The following WTAP variants were observed in gnomAD, a reference collection of about 807,000 sequenced individuals.
WTAP encodes the protein pre-mRNA-splicing regulator WTAP.
Under a neutral mutation model 50.0 loss-of-function variants are expected in WTAP, and 8 were observed. That is an observed-to-expected ratio of 0.16 (90% CI 0.09 to 0.29). WTAP has a LOEUF of 0.29. Among genes scored for constraint, WTAP ranks in the 10% least tolerant of loss-of-function variants. The probability of loss-of-function intolerance (pLI) is 1.00; values close to 1 mark genes in which losing one functional copy is unlikely to be tolerated. For synonymous variants in WTAP, 194 were observed against 169.0 expected (o/e 1.15, Z -1.15); for missense variants, 295 against 470.7 (o/e 0.63, Z 3.45).
rs575547098 is a variant in WTAP at position 159,748,981 on chromosome 6, A to G, written c.452+612A>G. 134 of 1,044,090 alleles carry G rather than the reference A, an allele frequency of 1.3e-4. No individual in the cohort carries two copies. The highest frequency in any genetic ancestry group is 7.8e-4 in the South Asian group (17 of 21,812). The allele number at this position is 1,044,090 out of a possible 1,614,324, so 64.7% of individuals were successfully genotyped here. ...TTTATTTGCTGAGAACCAACTTTCAATAGTCATGAGAGAATCAAATAATAG... is the reference window on the plus strand; with the variant it reads ...TTTATTTGCTGAGAACCAACTTTCAGTAGTCATGAGAGAATCAAATAATAG... On this transcript the variant is annotated intron_variant, in intron 6 of 7. Transcript: ENST00000621533. This position sits in a 1 kb window ranked among gnomAD's most constrained non-coding sequence, Gnocchi z 5.6.
In WTAP at chr6:159,742,114, A is replaced by G. The variant is rs1359952998; in HGVS notation, c.113A>G (p.Gln38Arg). ...TGGAAACAATATGAAGCATATGTAC[A>G]AGCTTTGGAGGGCAAGTACACAGAT... is the stretch of plus-strand genomic sequence containing the variant. Reference protein sequence around the residue: ...LRWKQYEAYVQALEGKYTDLN... With the variant: ...LRWKQYEAYVRALEGKYTDLN... The change falls in exon 4 of 8, where the codon CAA becomes CGA. Residue 38 changes from glutamine to arginine, a missense_variant. Physicochemically the swap from Gln to Arg is conservative, Grantham distance 43. This residue lies in a region of WTAP where 120 missense variants were observed against 287.6 expected (regional missense o/e 0.42). Transcript: ENST00000621533. The G allele has an allele frequency of 6.2e-7, 1 of 1,608,036 alleles. No homozygotes were observed. Among genetic ancestry groups the G allele is most frequent in the Non-Finnish European group, 8.5e-7 (1 of 1,178,354 alleles).
intron 4 of WTAP, among the ~76,000 whole-genome samples, chr6:159,743,229 T>TA (rs1779368560): frequency 6.6e-6 from 1 of 152,272 alleles, no homozygotes; most frequent in Non-Finnish European, 1.5e-5. Flanking sequence ...GTATTTTTAG[T>TA]AGAGACGGTG....
chr6:159,736,359 C>G, intron 2 of WTAP, 64 bp downstream of exon 2: 9 of 1,285,668 alleles, frequency 7.0e-6, no homozygotes, highest in Non-Finnish European at 8.8e-6. Context: ...TTTTTAAGCA[C>G]TTTAAAAAAA....
At chr6:159,728,131 C>T (rs1286391385) in intron 1 of WTAP, among the ~76,000 whole-genome samples, 3 of 152,250 alleles carry the variant, frequency 2.0e-5, no homozygotes, top group African/African-American at 7.2e-5. Context: ...TTTCATGTCA[C>T]GCAGTAGGAT....
In WTAP at chr6:159,755,455, T is replaced by C; in HGVS notation, c.1035T>C (p.Ser345=). The C allele has an allele frequency of 6.2e-7, 1 of 1,614,144 alleles. No individual in the cohort carries two copies. Among genetic ancestry groups the C allele is most frequent in the Non-Finnish European group, 8.5e-7 (1 of 1,180,020 alleles). Residue 345 remains serine (S), a synonymous_variant, in exon 8 of 8, where the codon AGT becomes AGC. Coordinates refer to ENST00000621533, the MANE Select transcript of WTAP (RefSeq NM_001270531.2). ...AAAGTGTAGACTCTCCCACGGGCAG[T>C]GAAAACTCTCTCACACACCAATCAA... ...GYESVDSPTG[S]ENSLTHQSND...
rs1779271690 is a variant in WTAP, at chr6:159,741,805, T to C, written c.87-283T>C. 3 of 259,388 alleles carry C rather than the reference T, an allele frequency of 1.2e-5. No homozygotes were observed. In the South Asian group the frequency reaches 1.3e-4, roughly 11 times the overall value. 16.1% of individuals were successfully genotyped at this position (259,388 alleles called of 1,614,324 possible). On this transcript the variant is annotated intron_variant, in intron 3 of 7. Transcript: ENST00000621533. ...GAGTTCAAGACCAGCCTGGGCAACGTAGTGAGACCCCATCTCTACAAAAAA... is the reference window on the plus strand; with the variant it reads ...GAGTTCAAGACCAGCCTGGGCAACGCAGTGAGACCCCATCTCTACAAAAAA...
At chr6:159,736,205 C>T (rs1778903354) in intron 1 of WTAP, 53 bp from the exon 2 acceptor site, 1 of 1,553,406 alleles carries the variant, frequency 6.4e-7, no homozygotes, top group East Asian at 2.2e-5. Context: ...TTTATTCCTA[C>T]TTTCACTGGA....
rs868785654 is a variant in WTAP at position 159,741,894 on chromosome 6, A to G, written c.87-194A>G. ...TGAGGCAGGGACATCGCTTGAGCCCAGACCCTGTTTGCGCCACGCTGCACT... is the reference window on the plus strand; with the variant it reads ...TGAGGCAGGGACATCGCTTGAGCCCGGACCCTGTTTGCGCCACGCTGCACT... On this transcript the variant is annotated intron_variant, in intron 3 of 7. Coordinates refer to ENST00000621533, the MANE Select transcript of WTAP (RefSeq NM_001270531.2). 7 of 472,952 alleles carry G rather than the reference A, an allele frequency of 1.5e-5. No homozygotes were observed. In the Middle Eastern group the frequency reaches 2.5e-3, roughly 166 times the overall value. 29.3% of individuals were successfully genotyped at this position (472,952 alleles called of 1,614,324 possible).
chr6:159,741,275 A>G (rs562399178), intron 3 of WTAP, among the ~76,000 whole-genome samples: 18 of 152,322 alleles, frequency 1.2e-4, no homozygotes, highest in Non-Finnish European at 2.4e-4. Context: ...CTGATAGCAT[A>G]TGGCATTTAT....
chr6:159,742,013 G>A (rs1583087241), intron 3 of WTAP, 75 bp from the exon 4 acceptor site: 2 of 1,098,322 alleles, frequency 1.8e-6, no homozygotes, highest in Admixed American at 2.3e-5. Flanking sequence ...AAATCTGTGA[G>A]TTTATAGATA....
chr6:159,732,878 A>G (rs1416054833), intron 1 of WTAP, among the ~76,000 whole-genome samples: 1 of 122,746 alleles, frequency 8.1e-6, no homozygotes, highest in Non-Finnish European at 1.6e-5. Flanking sequence ...CTCTCTGTAT[A>G]TATATATAGT....
chr6:159,726,906 C>T, upstream of WTAP: 1 of 1,289,020 alleles, frequency 7.8e-7, no homozygotes, highest in Non-Finnish European at 1.0e-6. Flanking sequence ...CGGCCTCTCT[C>T]TTGAGGTGGC....
chr6:159,744,445 T>C (rs1167426470), intron 5 of WTAP, among the ~76,000 whole-genome samples: 1 of 152,210 alleles, frequency 6.6e-6, no homozygotes, highest in Non-Finnish European at 1.5e-5. Flanking sequence ...TTGGTACATA[T>C]AGAAGTCTTC....
chr6:159,745,731 ACT>A (rs767609608), intron 5 of WTAP, among the ~76,000 whole-genome samples: 4 of 152,182 alleles, frequency 2.6e-5, no homozygotes, highest in Non-Finnish European at 2.9e-5. Flanking sequence ...TAGGTAGATC[ACT>A]CTGACTTGAG....
chr6:159,732,068 T>A (rs1778605967), intron 1 of WTAP, among the ~76,000 whole-genome samples: 1 of 152,344 alleles, frequency 6.6e-6, no homozygotes, highest in African/African-American at 2.4e-5. Flanking sequence ...ATTTGAACCC[T>A]GGTGTATGAA....
chr6:159,745,489 TC>T (rs372079387), intron 5 of WTAP, among the ~76,000 whole-genome samples: 1 of 152,170 alleles, frequency 6.6e-6, no homozygotes, highest in East Asian at 1.9e-4. Context: ...CTGAACAACT[TC>T]CTGTTCTTCC....
intron 1 of WTAP, among the ~76,000 whole-genome samples, chr6:159,729,252 G>A (rs914259634): frequency 5.9e-5 from 9 of 152,312 alleles, no homozygotes; most frequent in Admixed American, 1.3e-4. Context: ...TTGTACGTTA[G>A]TTAGTAGGTC....
chr6:159,730,958 T>A (rs1022398528), intron 1 of WTAP: 4 of 151,526 alleles, frequency 2.6e-5, no homozygotes, highest in African/African-American at 9.7e-5. Flanking sequence ...AGTGAAACGC[T>A]GTCTCTACTA....
In WTAP at chr6:159,727,665, A is replaced by C. The variant is rs564156087; in HGVS notation, c.-47A>C. On this transcript the variant is annotated 5_prime_UTR_variant, in exon 1 of 8. It removes an upstream start codon present in the reference 5' UTR. Transcript: ENST00000621533. Reference sequence around the variant, plus strand: ...AGGGCAAGCAGCGCGGCCTCGGCCTATGCGACCGGTGGCGCCGGCGCGGCT... The same window carrying C: ...AGGGCAAGCAGCGCGGCCTCGGCCTCTGCGACCGGTGGCGCCGGCGCGGCT... The C allele has an allele frequency of 1.0e-6, 1 of 985,264 alleles. No homozygotes were observed. Among genetic ancestry groups the C allele is most frequent in the Non-Finnish European group, 1.2e-6 (1 of 830,140 alleles). 61.0% of individuals were successfully genotyped at this position (985,264 alleles called of 1,614,324 possible).
Sources: gnomAD v4.1 joint callset for allele counts (sites outside exome capture counted in the v4.1 genomes callset) on GRCh38, gnomAD v4.1.1 for gene constraint, gnomAD v4.1.1 regional missense constraint, Gnocchi (gnomAD v3.1) non-coding constraint, MANE v1.5 for transcripts, NCBI Gene and HGNC (gene_info 2026-07-23, HGNC 2026-07-21) for gene names.